Variants in HSPA4 observed in about 807,000 individuals in gnomAD.
The protein encoded by HSPA4 is heat shock protein family A (Hsp70) member 4.
In HSPA4, 25 loss-of-function variants were observed where a neutral mutation model predicts 106.2. The ratio of observed to expected loss-of-function variants is 0.24; its 90% confidence interval spans 0.17 to 0.33. HSPA4 has a LOEUF of 0.33. Ranked by LOEUF, HSPA4 falls within the 10% of genes least tolerant of loss-of-function variation. HSPA4 has a pLI of 1.00. For missense variants in HSPA4, 841 were observed against 996.0 expected (o/e 0.84, Z 2.10); for synonymous variants, 332 against 333.6 (o/e 1.00, Z 0.05).
At position 133,096,248 on chromosome 5, in the gene HSPA4, G is replaced by C; in HGVS notation, c.1801G>C (p.Glu601Gln). The change falls in exon 14 of 19, where the codon GAG becomes CAG. Residue 601 changes from glutamate (E) to glutamine (Q), a missense_variant and splice_region_variant. Transcript: ENST00000304858. ...REMLNLYIEN[E>Q]GKMIMQDKLE... Reference sequence around the variant, plus strand: ...GATGCTCAACTTGTACATTGAAAATGAGGTTGTTATTTAAAGTCTATTGGA... The same window carrying C: ...GATGCTCAACTTGTACATTGAAAATCAGGTTGTTATTTAAAGTCTATTGGA... 1 of 1,612,356 alleles carries C rather than the reference G, an allele frequency of 6.2e-7. No homozygotes were observed. Among genetic ancestry groups the C allele is most frequent in the Non-Finnish European group, 8.5e-7 (1 of 1,179,090 alleles).
At chr5:133,100,574 C>T (rs1167889205) in intron 16 of HSPA4, among the ~76,000 whole-genome samples, 4 of 151,964 alleles carry the variant, frequency 2.6e-5, no homozygotes, top group African/African-American at 7.3e-5. Context: ...CCTAGGCGGG[C>T]GGATCACGAG....
chr5:133,074,238 C>T (rs1765420198), intron 6 of HSPA4, 112 bp downstream of exon 6: 7 of 546,956 alleles, frequency 1.3e-5, no homozygotes, highest in East Asian at 3.2e-5. Context: ...GCATACCTTA[C>T]AGGGTTATTC....
chr5:133,094,462 G>A (rs73272725), intron 13 of HSPA4, among the ~76,000 whole-genome samples: 39,036 of 152,090 alleles, frequency 0.26, 5,238 homozygotes, highest in African/African-American at 0.3. Flanking sequence ...ATATTAAAAA[G>A]GAAAATGGAC....
At chr5:133,095,124 A>G in intron 13 of HSPA4, among the ~76,000 whole-genome samples, 1 of 152,172 alleles carries the variant, frequency 6.6e-6, no homozygotes, top group Non-Finnish European at 1.5e-5. Flanking sequence ...AGCCTAGCCA[A>G]CATGGTGAAA....
At chr5:133,060,079 TA>T (rs1030407071) in intron 1 of HSPA4, among the ~76,000 whole-genome samples, 16 of 151,764 alleles carry the variant, frequency 1.1e-4, no homozygotes, top group African/African-American at 3.6e-4. Context: ...TTTTTTTTTT[TA>T]GGACTTACTA....
At chr5:133,070,854 A>T (rs1177538658) in intron 4 of HSPA4, among the ~76,000 whole-genome samples, 3 of 152,214 alleles carry the variant, frequency 2.0e-5, no homozygotes, top group African/African-American at 7.2e-5. Flanking sequence ...GTGAGCCGAG[A>T]TCATGCCATT....
chr5:133,093,004 A>AT (rs1765669542), intron 13 of HSPA4, among the ~76,000 whole-genome samples: 1 of 106,734 alleles, frequency 9.4e-6, no homozygotes, highest in Non-Finnish European at 2.0e-5. Flanking sequence ...TTTTTTTTGT[A>AT]TTTTTTAGTA....
At chr5:133,053,680 A>G (rs1200826249) in intron 1 of HSPA4, among the ~76,000 whole-genome samples, 2 of 148,584 alleles carry the variant, frequency 1.3e-5, no homozygotes, top group Non-Finnish European at 3.0e-5. Context: ...ATTGATTGAG[A>G]TGGAGTCTCG....
chr5:133,061,303 T>A lies in HSPA4; in HGVS notation c.108-3677T>A, dbSNP rs578005192. ...ATGCCTGGCTAATTTTTTGTATTTT[T>A]AGTAGAGATGGGGTTTCACTGTGTT... On this transcript the variant is annotated intron_variant, in intron 1 of 18. Transcript: ENST00000304858. Among the ~76,000 whole-genome samples the A allele has an allele frequency of 4.6e-5, 7 of 151,662 alleles. No homozygotes were observed. In the East Asian group the frequency reaches 9.8e-4, roughly 21 times the overall value.
intron 9 of HSPA4, 91 bp downstream of exon 9, chr5:133,088,646 A>C: frequency 9.0e-7 from 1 of 1,110,762 alleles, no homozygotes; most frequent in Non-Finnish European, 1.3e-6. Context: ...GGATTAGCTC[A>C]GGGTGACTTC....
chr5:133,092,623 C>G (rs1447210601), intron 12 of HSPA4, 77 bp from the exon 13 acceptor site: 2 of 950,440 alleles, frequency 2.1e-6, no homozygotes, highest in Non-Finnish European at 3.4e-6. Context: ...AATTACATAA[C>G]TATGTGACTT....
chr5:133,098,289 G>A (rs990347430), intron 15 of HSPA4, among the ~76,000 whole-genome samples: 2 of 151,914 alleles, frequency 1.3e-5, no homozygotes, highest in African/African-American at 2.4e-5. Flanking sequence ...TATATACCAC[G>A]TTTTCTTTAT....
chr5:133,082,356 ACT>A (rs1283050814), intron 7 of HSPA4, among the ~76,000 whole-genome samples: 1 of 152,098 alleles, frequency 6.6e-6, no homozygotes, highest in Non-Finnish European at 1.5e-5. Flanking sequence ...TGCTTGCACA[ACT>A]CTGTATATAT....
At chr5:133,091,162 A>G (rs776153908) in intron 11 of HSPA4, 31 bp from the exon 12 acceptor site, 68 of 1,532,736 alleles carry the variant, frequency 4.4e-5, no homozygotes, top group Non-Finnish European at 5.8e-5. Context: ...CTCTTAGGTT[A>G]TGTGTTCTTT....
chr5:133,060,663 T>C (rs1032600123), intron 1 of HSPA4, among the ~76,000 whole-genome samples: 6 of 152,008 alleles, frequency 3.9e-5, no homozygotes, highest in Admixed American at 1.3e-4. Flanking sequence ...CGCCTGGTGC[T>C]GTTTTACATA....
At chr5:133,085,516 G>A (rs970418561) in intron 7 of HSPA4, among the ~76,000 whole-genome samples, 2 of 102,176 alleles carry the variant, frequency 2.0e-5, no homozygotes, top group Admixed American at 8.5e-5. Context: ...AAAATTAGCC[G>A]GGCGTAGGTG....
At chr5:133,072,187 T>C (rs1407433509) in intron 4 of HSPA4, among the ~76,000 whole-genome samples, 1 of 152,116 alleles carries the variant, frequency 6.6e-6, no homozygotes, top group Non-Finnish European at 1.5e-5. Context: ...GGCCCTAGCG[T>C]ATAGCTATTC....
chr5:133,087,587 C>G (rs73270394), intron 8 of HSPA4, among the ~76,000 whole-genome samples: 3,022 of 152,264 alleles, frequency 0.02, 98 homozygotes, highest in African/African-American at 0.065. Context: ...CACCTTCTTT[C>G]TGATACGAAG....
chr5:133,085,776 A>G (rs139746896), intron 7 of HSPA4, among the ~76,000 whole-genome samples: 29 of 151,572 alleles, frequency 1.9e-4, no homozygotes, highest in Non-Finnish European at 3.2e-4. Context: ...GGAGGGATGA[A>G]TAGTTGGAGC....
Sources: allele counts gnomAD v4.1 joint callset (sites outside exome capture counted in the v4.1 genomes callset), GRCh38; gene constraint gnomAD v4.1.1; transcripts MANE v1.5; gene names NCBI Gene and HGNC (gene_info 2026-07-23, HGNC 2026-07-21).